Variants in ST8SIA6 observed in about 807,000 individuals in gnomAD.
The protein encoded by ST8SIA6 is ST8 alpha-N-acetyl-neuraminide alpha-2,8-sialyltransferase 6, also known as alpha-2,8-sialyltransferase 8F.
In ST8SIA6, 39 loss-of-function variants were observed where a neutral mutation model predicts 33.6. The observed-to-expected ratio is 1.16, with a 90% CI of 0.90 to 1.52. The LOEUF (loss-of-function observed/expected upper bound fraction) is 1.52. Ranked by LOEUF, ST8SIA6 falls within the 40% of genes most tolerant of loss-of-function variation. The pLI, the probability that ST8SIA6 is intolerant of heterozygous loss-of-function variation, is 0.00. For synonymous variants in ST8SIA6, 172 were observed against 167.2 expected (o/e 1.03, Z -0.22); for missense variants, 441 against 443.8 (o/e 0.99, Z 0.06).
intron 4 of ST8SIA6, among the ~76,000 whole-genome samples, chr10:17,340,182 G>T (rs113372142): frequency 6.6e-6 from 1 of 152,076 alleles, no homozygotes. Context: ...TAACTTCCTC[G>T]TTCTCTTCGT....
At chr10:17,418,069 T>C (rs914014370) in intron 2 of ST8SIA6, among the ~76,000 whole-genome samples, 4 of 152,090 alleles carry the variant, frequency 2.6e-5, no homozygotes, top group Non-Finnish European at 5.9e-5. Flanking sequence ...GCAGCATAGA[T>C]GAGGATTCTG....
At chr10:17,393,110 G>A (rs1023644583) in intron 2 of ST8SIA6, among the ~76,000 whole-genome samples, 17 of 152,290 alleles carry the variant, frequency 1.1e-4, no homozygotes, top group Admixed American at 9.2e-4. Flanking sequence ...GAGCTGGGAC[G>A]TCGTTTTCTC....
At chr10:17,400,724 C>G (rs895792137) in intron 2 of ST8SIA6, among the ~76,000 whole-genome samples, 1 of 152,180 alleles carries the variant, frequency 6.6e-6, no homozygotes, top group Non-Finnish European at 1.5e-5. Flanking sequence ...TGACAAAATT[C>G]AACAGCCCTT....
chr10:17,355,721 A>G (rs148644010), intron 4 of ST8SIA6, among the ~76,000 whole-genome samples: 1 of 152,304 alleles, frequency 6.6e-6, no homozygotes, highest in Non-Finnish European at 1.5e-5. Context: ...TTTGCTAGCA[A>G]TATTGCTCTT....
intron 3 of ST8SIA6, among the ~76,000 whole-genome samples, chr10:17,375,999 T>C: frequency 6.6e-6 from 1 of 152,336 alleles, no homozygotes; most frequent in East Asian, 1.9e-4. Flanking sequence ...GCTCCCTTTC[T>C]GTAGTACACA....
At chr10:17,436,443 A>T (rs982146111) in intron 2 of ST8SIA6, among the ~76,000 whole-genome samples, 1 of 151,952 alleles carries the variant, frequency 6.6e-6, no homozygotes, top group Non-Finnish European at 1.5e-5. Context: ...ACATATGTAT[A>T]CATGTGCCAT....
intron 2 of ST8SIA6, among the ~76,000 whole-genome samples, chr10:17,427,497 C>T (rs1477765203): frequency 6.6e-6 from 1 of 152,186 alleles, no homozygotes; most frequent in Non-Finnish European, 1.5e-5. Flanking sequence ...GAAGAGGCCT[C>T]TTCAAAGTGC....
intron 2 of ST8SIA6, among the ~76,000 whole-genome samples, chr10:17,447,292 G>C (rs1206457433): frequency 6.6e-6 from 1 of 151,990 alleles, no homozygotes; most frequent in Non-Finnish European, 1.5e-5. Context: ...TGTAATCCCA[G>C]CTACTGAGGA....
intron 4 of ST8SIA6, 21 bp downstream of exon 4, chr10:17,359,493 A>G: frequency 6.5e-7 from 1 of 1,533,904 alleles, no homozygotes; most frequent in Non-Finnish European, 8.9e-7. Flanking sequence ...AAAATCTCAT[A>G]TTATTTATGA....
chr10:17,333,688 TA>T lies in ST8SIA6; in HGVS notation c.378-2137del, dbSNP rs1564404789. On this transcript the variant is annotated intron_variant, in intron 4 of 7. Transcript: ENST00000377602. ...TGGTGCTGGGATATATATATATATA[TA>T]TATATATATATATATATATATATAT... Among the ~76,000 whole-genome samples, 80 of 21,306 alleles carry T rather than the reference TA, an allele frequency of 3.8e-3. 1 individual carries two copies. Among genetic ancestry groups the T allele is most frequent in the African/African-American group, 8.4e-3 (58 of 6,924 alleles). The allele number at this position is 21,306 out of a possible 152,430, so 14.0% of individuals were successfully genotyped here.
chr10:17,321,209 T>G lies in ST8SIA6; in HGVS notation c.866A>C (p.Glu289Ala). ...TAGAACCTTTTGTCTTGCTTTAGAC[T>G]CTTCGAGCGTGTAGTATACTTTGAA... is the stretch of plus-strand genomic sequence containing the variant. ...TSFKVYYTLEESKARQKVLFF... is the reference protein window; with the variant it reads ...TSFKVYYTLEASKARQKVLFF... The change falls in exon 8 of 8, where the codon GAG becomes GCG. Residue 289 changes from glutamate (E) to alanine (A), a missense_variant. By Grantham distance (107) the Glu-to-Ala change is moderately radical. Transcript: ENST00000377602. The G allele has an allele frequency of 6.2e-7, 1 of 1,614,126 alleles. No individual in the cohort carries two copies. Among genetic ancestry groups the G allele is most frequent in the Non-Finnish European group, 8.5e-7 (1 of 1,179,996 alleles).
At chr10:17,329,883 T>C (rs766939775) in intron 5 of ST8SIA6, among the ~76,000 whole-genome samples, 2 of 152,220 alleles carry the variant, frequency 1.3e-5, no homozygotes, top group Non-Finnish European at 2.9e-5. Context: ...TATTTTTTTC[T>C]CTGCAAGTAA....
intron 7 of ST8SIA6, among the ~76,000 whole-genome samples, chr10:17,322,366 C>T (rs1382200321): frequency 6.6e-6 from 1 of 152,040 alleles, no homozygotes; most frequent in Non-Finnish European, 1.5e-5. Flanking sequence ...AAAATTTCCT[C>T]CATGCATTGT....
Position 17,337,198 on chromosome 10 carries a change from C to T in ST8SIA6, c.378-5646G>A, listed in dbSNP as rs118103397. On this transcript the variant is annotated intron_variant, in intron 4 of 7. Coordinates refer to ENST00000377602, the MANE Select transcript of ST8SIA6 (RefSeq NM_001004470.3). ...AAGAGCCTGCCACCTCTTTGTCTTC[C>T]GCCATGATTATAAGTTTCCTGAGGC... 7.7e-4 allele frequency among the ~76,000 whole-genome samples: 118 copies of T among 152,272 alleles called. No individual in the cohort carries two copies. The East Asian group carries it at 0.021, about 27-fold the overall frequency.
Position 17,359,548 on chromosome 10 carries a change from A to G in ST8SIA6, c.343T>C (p.Trp115Arg), listed in dbSNP as rs1248795052. 2.5e-6 allele frequency: 4 copies of G among 1,608,492 alleles called. No individual in the cohort carries two copies. Among genetic ancestry groups the G allele is most frequent in the East Asian group, 2.2e-5 (1 of 44,606 alleles). Residue 115 changes from tryptophan (W) to arginine (R), a missense_variant, in exon 4 of 8, where the codon TGG (tryptophan) becomes CGG (arginine). Trp to Arg is a moderately radical substitution (Grantham distance 101, BLOSUM62 -3). Coordinates refer to ENST00000377602, the MANE Select transcript of ST8SIA6 (RefSeq NM_001004470.3). ...QIITDIQSCP[W>R]KRQAEEYANF... ...GCATATTCTTCTGCTTGCCGTTTCC[A>G]TGGACAACTCTGTATATCTGTGATA...
intron 2 of ST8SIA6, among the ~76,000 whole-genome samples, chr10:17,422,401 C>T (rs994637403): frequency 3.9e-5 from 6 of 152,182 alleles, no homozygotes; most frequent in African/African-American, 1.4e-4. Flanking sequence ...GATCCAATTA[C>T]TGTGAATCAG....
chr10:17,401,551 C>G (rs1241523863), intron 2 of ST8SIA6, among the ~76,000 whole-genome samples: 2 of 152,152 alleles, frequency 1.3e-5, no homozygotes, highest in African/African-American at 4.8e-5. Flanking sequence ...CTACAGTAAC[C>G]AAAACAGCAT....
At chr10:17,355,279 C>T (rs1225461951) in intron 4 of ST8SIA6, among the ~76,000 whole-genome samples, 2 of 152,182 alleles carry the variant, frequency 1.3e-5, no homozygotes, top group South Asian at 2.1e-4. Context: ...TCTTCTCAAT[C>T]CAATTTCTCT....
chr10:17,429,519 CTTTCTCCCTGTGTG>C (rs1278743180), intron 2 of ST8SIA6, among the ~76,000 whole-genome samples: 6 of 152,052 alleles, frequency 3.9e-5, no homozygotes, highest in Non-Finnish European at 2.9e-5. Context: ...CTCCCTTTCA[CTTTCTCCCTGTGTG>C]TTTCTCCCTG....
Sources: gnomAD v4.1 joint callset for allele counts (sites outside exome capture counted in the v4.1 genomes callset) on GRCh38, gnomAD v4.1.1 for gene constraint, MANE v1.5 for transcripts, NCBI Gene and HGNC (gene_info 2026-07-23, HGNC 2026-07-21) for gene names.